The following CORO2A variants were observed in gnomAD, a reference collection of about 807,000 sequenced individuals.
CORO2A encodes the protein coronin-2A.
In CORO2A, 47 loss-of-function variants were observed where a neutral mutation model predicts 62.4. The ratio of observed to expected loss-of-function variants is 0.75; its 90% CI spans 0.60 to 0.96. The LOEUF is 0.96. Ranked by LOEUF, CORO2A falls within the 40% of genes least tolerant of loss-of-function variation. The pLI is 0.00. For synonymous variants in CORO2A, 273 were observed against 268.9 expected (o/e 1.02, Z -0.15); for missense variants, 610 against 684.1 (o/e 0.89, Z 1.21).
At chr9:98,171,564 G>A (rs56288207) in intron 1 of CORO2A, among the ~76,000 whole-genome samples, 15,135 of 152,226 alleles carry the variant, frequency 0.099, 879 homozygotes, top group Middle Eastern at 0.14. Context: ...TAAAGCCAGC[G>A]CTGCAAGTTG....
intron 1 of CORO2A, among the ~76,000 whole-genome samples, chr9:98,192,022 C>A (rs1237406239): frequency 6.6e-6 from 1 of 152,238 alleles, no homozygotes. Context: ...ACCCTCTTGG[C>A]GGGCCGGCTG....
intron 1 of CORO2A, among the ~76,000 whole-genome samples, 158 bp from the exon 2 acceptor site, chr9:98,157,818 ACT>A (rs1827827810): frequency 6.6e-6 from 1 of 152,196 alleles, no homozygotes; most frequent in African/African-American, 2.4e-5. Context: ...AAGTGAAAAG[ACT>A]CTAATTACAG....
chr9:98,186,381 C>G (rs1828239313), intron 1 of CORO2A, among the ~76,000 whole-genome samples: 1 of 152,082 alleles, frequency 6.6e-6, no homozygotes. Context: ...GTGATTAAGC[C>G]CTGGACACTG....
intron 1 of CORO2A, 88 bp from the exon 2 acceptor site, chr9:98,157,748 G>C: frequency 7.8e-7 from 1 of 1,277,080 alleles, no homozygotes; most frequent in South Asian, 1.3e-5. Context: ...GTACATAAGA[G>C]GGTACGAGCA....
intron 1 of CORO2A, among the ~76,000 whole-genome samples, chr9:98,180,344 A>G (rs893179132): frequency 6.6e-6 from 1 of 152,122 alleles, no homozygotes; most frequent in Non-Finnish European, 1.5e-5. Context: ...CTCAGCTTAG[A>G]GAAGTGCTCC....
chr9:98,128,567 G>T (rs1269619480), intron 9 of CORO2A, 40 bp downstream of exon 9: 12 of 1,571,144 alleles, frequency 7.6e-6, no homozygotes, highest in African/African-American at 1.4e-5. Context: ...TCCAGGACAG[G>T]TTCCCCACCT....
intron 1 of CORO2A, among the ~76,000 whole-genome samples, chr9:98,191,696 A>G (rs1281821863): frequency 6.6e-6 from 1 of 152,196 alleles, no homozygotes; most frequent in Non-Finnish European, 1.5e-5. Flanking sequence ...CTGGGACCAC[A>G]GTCCCTCAGA....
At chr9:98,192,167 T>A (rs1342446121) in intron 1 of CORO2A, among the ~76,000 whole-genome samples, 1 of 152,096 alleles carries the variant, frequency 6.6e-6, no homozygotes. Flanking sequence ...AAGAGTCCCA[T>A]GGAGCACCCG....
chr9:98,126,808 G>A lies in CORO2A; in HGVS notation c.1187C>T (p.Ser396Phe). 1 of 1,614,198 alleles carries A rather than the reference G, an allele frequency of 6.2e-7. No individual in the cohort carries two copies. Among genetic ancestry groups the A allele is most frequent in the South Asian group, 1.1e-5 (1 of 91,086 alleles). Residue 396 changes from serine to phenylalanine, a missense_variant, in exon 11 of 12, where the codon TCC (serine) becomes TTC (phenylalanine). Physicochemically the swap from Ser to Phe is radical, Grantham distance 155. Coordinates refer to ENST00000375077, the MANE Select transcript of CORO2A (RefSeq NM_052820.4). The stretch of plus-strand genomic sequence containing the variant: ...CAGCAGCTCAGAGCCAGGCCTAAGG[G>A]ACACCAGGATTGGGTCTGGAAGGGA... ...SGMNRDPILV[S>F]LRPGSELLRP...
At chr9:98,175,042 G>A (rs959890477) in intron 1 of CORO2A, among the ~76,000 whole-genome samples, 2 of 152,118 alleles carry the variant, frequency 1.3e-5, no homozygotes, top group Non-Finnish European at 2.9e-5. Flanking sequence ...CTCCCTGGCA[G>A]CTACATCTCT....
At chr9:98,133,853 A>T (rs955891165) in intron 4 of CORO2A, among the ~76,000 whole-genome samples, 1 of 152,214 alleles carries the variant, frequency 6.6e-6, no homozygotes, top group Non-Finnish European at 1.5e-5. Flanking sequence ...TCCTGGGCTC[A>T]AGTGATCCTC....
chr9:98,132,303 T>G lies in CORO2A; in HGVS notation c.649-2A>C. On this transcript the variant is annotated splice_acceptor_variant, in intron 5 of 11. Transcript: ENST00000375077. LOFTEE classifies it high-confidence loss of function. ...CCGGTGCCCTTTGTAGCTGGCCTCC[T>G]GGAGGGACACGTGCGGTCGGTATTG... is the stretch of plus-strand genomic sequence containing the variant. 1 of 1,613,040 alleles carries G rather than the reference T, an allele frequency of 6.2e-7. No individual in the cohort carries two copies. The highest frequency in any genetic ancestry group is 2.2e-5 in the East Asian group (1 of 44,872).
intron 10 of CORO2A, 128 bp downstream of exon 10, chr9:98,128,042 T>G: frequency 1.4e-6 from 1 of 713,222 alleles, no homozygotes; most frequent in Non-Finnish European, 2.4e-6. Context: ...GGACTGAAGG[T>G]CAAGGGCATG....
intron 1 of CORO2A, among the ~76,000 whole-genome samples, chr9:98,169,617 C>T (rs41409644): frequency 0.031 from 4,761 of 152,242 alleles, 99 homozygotes; most frequent in Non-Finnish European, 0.049. Context: ...TCCCTACGTT[C>T]CCCCTGAGTC....
At chr9:98,174,487 T>C (rs1466775080) in intron 1 of CORO2A, among the ~76,000 whole-genome samples, 1 of 152,174 alleles carries the variant, frequency 6.6e-6, no homozygotes, top group African/African-American at 2.4e-5. Flanking sequence ...GAAATCAAAA[T>C]GTAAAAATCT....
rs1465935844 is a variant in CORO2A, at chr9:98,162,426, G to A, written c.1-4766C>T. Among the ~76,000 whole-genome samples, 6 of 152,166 alleles carry A rather than the reference G, an allele frequency of 3.9e-5. No individual in the cohort carries two copies. In the East Asian group the frequency reaches 7.7e-4, roughly 20 times the overall value. On this transcript the variant is annotated intron_variant, in intron 1 of 11. Coordinates refer to ENST00000375077, the MANE Select transcript of CORO2A (RefSeq NM_052820.4). ...TGAAGCCAGCTGACAGCAAAAGAGC[G>A]TGAACATCAGTGCCCTTCTGTCCGT...
chr9:98,165,202 T>A (rs554492013), intron 1 of CORO2A, among the ~76,000 whole-genome samples: 23 of 152,300 alleles, frequency 1.5e-4, no homozygotes, highest in African/African-American at 5.5e-4. Context: ...CAGGCGATCC[T>A]CACACCTCAG....
intron 2 of CORO2A, among the ~76,000 whole-genome samples, chr9:98,148,779 A>AAAC (rs1270161007): frequency 1.3e-5 from 2 of 148,206 alleles, no homozygotes; most frequent in Non-Finnish European, 3.0e-5. Context: ...ACAAACAAAC[A>AAAC]AAAAAAACAA....
intron 3 of CORO2A, among the ~76,000 whole-genome samples, chr9:98,135,686 C>T (rs562913847): frequency 6.6e-6 from 1 of 152,186 alleles, no homozygotes; most frequent in African/African-American, 2.4e-5. Flanking sequence ...CCTTATTGGT[C>T]CTGCAAGGTT....
Sources: allele counts gnomAD v4.1 joint callset (sites outside exome capture counted in the v4.1 genomes callset), GRCh38; gene constraint gnomAD v4.1.1; transcripts MANE v1.5; gene names NCBI Gene and HGNC (gene_info 2026-07-23, HGNC 2026-07-21).